PIAS1: variants seen among roughly 807,000 people sequenced by gnomAD.
PIAS1 encodes protein inhibitor of activated STAT 1, also known as E3 SUMO-protein ligase PIAS1.
Under a neutral mutation model 71.3 loss-of-function variants are expected in PIAS1, and 6 were observed. That is an observed-to-expected ratio of 0.08 (90% confidence interval 0.05 to 0.17). The LOEUF (loss-of-function observed/expected upper bound fraction) is 0.17. Ranked by LOEUF, PIAS1 falls within the 10% of genes least tolerant of loss-of-function variation. The pLI is 1.00. For missense variants in PIAS1, 555 were observed against 793.6 expected, an observed-to-expected ratio of 0.70 and a Z score of 3.61; for synonymous variants, 303 against 292.9, an observed-to-expected ratio of 1.03 and a Z score of -0.35.
At chr15:68,097,289 G>A (rs953922869) in intron 2 of PIAS1, among the ~76,000 whole-genome samples, 4 of 152,010 alleles carry the variant, frequency 2.6e-5, no homozygotes, top group Admixed American at 1.3e-4. Flanking sequence ...TATTGAATTT[G>A]AAGTGTAGAT....
intron 2 of PIAS1, among the ~76,000 whole-genome samples, chr15:68,104,068 C>T (rs1038672115): frequency 6.6e-6 from 1 of 152,128 alleles, no homozygotes. Flanking sequence ...TATGAGGATT[C>T]GCATTTCTCT....
Position 68,193,615 on chromosome 15 carries a change from A to G in PIAS1, c.*5780A>G, listed in dbSNP as rs1203080384. ...CTTGGTAGATTGCCCTTAAGTCATC[A>G]GCTCAATCCTTCCTCAACAGGCTCC... On this transcript the variant is annotated 3_prime_UTR_variant, in exon 14 of 14. Coordinates refer to ENST00000249636, the MANE Select transcript of PIAS1 (RefSeq NM_016166.3). 4.0e-5 allele frequency: 7 copies of G among 174,220 alleles called. No homozygotes were observed. The highest frequency in any genetic ancestry group is 8.6e-5 in the Non-Finnish European group (7 of 81,708). The allele number at this position is 174,220 out of a possible 1,614,324, so 10.8% of individuals were successfully genotyped here. A position where few individuals can be genotyped will look rare whatever the true frequency, so the allele number is the denominator to read the frequency against.
rs1251880639 is a variant in PIAS1, at chr15:68,086,552, C to T, written c.271C>T (p.Pro91Ser). Reference protein sequence around the residue: ...HSSPMPATLSPSTIPQLTYDG... With the variant: ...HSSPMPATLSSSTIPQLTYDG... The stretch of plus-strand genomic sequence containing the variant: ...AAGTCCTATGCCAGCAACTTTGTCT[C>T]CATCTACCATTCCACAACTCACTTA... The change falls in exon 2 of 14, where the codon CCA becomes TCA. Residue 91 changes from proline to serine, a missense_variant. Transcript: ENST00000249636. The surrounding 1 kb of genome is among the most constrained non-coding windows in gnomAD (Gnocchi z 7.2). 1.2e-6 allele frequency: 2 copies of T among 1,613,908 alleles called. No individual in the cohort carries two copies. Among genetic ancestry groups the T allele is most frequent in the South Asian group, 1.1e-5 (1 of 91,078 alleles).
At chr15:68,114,109 AATT>A (rs2092545696) in intron 2 of PIAS1, among the ~76,000 whole-genome samples, 7 of 151,990 alleles carry the variant, frequency 4.6e-5, no homozygotes, top group African/African-American at 9.7e-5. Flanking sequence ...ATAAAAAGCA[AATT>A]ATTATAAAAA....
chr15:68,145,570 A>G (rs2092802487), intron 4 of PIAS1, among the ~76,000 whole-genome samples: 1 of 152,200 alleles, frequency 6.6e-6, no homozygotes, highest in African/African-American at 2.4e-5. Context: ...GCTTAACCAA[A>G]TAATTGGCAG....
chr15:68,073,802 T>C (rs531651006), intron 1 of PIAS1, among the ~76,000 whole-genome samples: 2 of 152,228 alleles, frequency 1.3e-5, no homozygotes, highest in East Asian at 1.9e-4. Flanking sequence ...CGTGACATCA[T>C]TGGATTTATA....
chr15:68,071,240 G>T (rs1299458285), intron 1 of PIAS1, among the ~76,000 whole-genome samples: 1 of 101,100 alleles, frequency 9.9e-6, no homozygotes, highest in Non-Finnish European at 1.8e-5. Flanking sequence ...CCTCCATGGA[G>T]TGGCTAACCC....
At chr15:68,123,495 T>A (rs2092627480) in intron 2 of PIAS1, among the ~76,000 whole-genome samples, 1 of 152,210 alleles carries the variant, frequency 6.6e-6, no homozygotes, top group South Asian at 2.1e-4. Context: ...TCTTGGCATA[T>A]GTCATGTATC....
chr15:68,165,575 T>TA (rs1385700000), intron 8 of PIAS1, among the ~76,000 whole-genome samples: 1 of 152,118 alleles, frequency 6.6e-6, no homozygotes, highest in Non-Finnish European at 1.5e-5. Context: ...GTTATACATA[T>TA]AAAAAAACCT....
At position 68,086,738 on chromosome 15, in the gene PIAS1, C is replaced by T. The variant is rs746759971; in HGVS notation, c.457C>T (p.Pro153Ser). 6.2e-7 allele frequency: 1 copy of T among 1,601,558 alleles called. No individual in the cohort carries two copies. The highest frequency in any genetic ancestry group is 8.6e-7 in the Non-Finnish European group (1 of 1,168,786). ...FYDLLDELIKPTSLASDNSQR... is the reference protein window; with the variant it reads ...FYDLLDELIKSTSLASDNSQR... ...TGATTTACTGGATGAACTGATAAAA[C>T]CCACCAGTCTAGGTAAGATTATTGT... is the stretch of plus-strand genomic sequence containing the variant. Residue 153 changes from proline (P) to serine (S), a missense_variant, in exon 2 of 14, where the codon CCC becomes TCC. Pro to Ser is a moderately conservative substitution (Grantham distance 74). Coordinates refer to ENST00000249636, the MANE Select transcript of PIAS1 (RefSeq NM_016166.3). The surrounding 1 kb of genome is among the most constrained non-coding windows in gnomAD (Gnocchi z 7.2).
chr15:68,170,663 C>T (rs2092985633), intron 8 of PIAS1, among the ~76,000 whole-genome samples: 2 of 151,758 alleles, frequency 1.3e-5, no homozygotes, highest in Non-Finnish European at 1.5e-5. Flanking sequence ...TTTTTTGAGA[C>T]AGAGTCTCCC....
intron 7 of PIAS1, among the ~76,000 whole-genome samples, chr15:68,157,535 T>C (rs1005081073): frequency 1.1e-4 from 16 of 152,222 alleles, no homozygotes; most frequent in Admixed American, 2.0e-4. Context: ...GATGATCTGA[T>C]TGCTAAATTT....
chr15:68,126,754 G>T (rs539776549), intron 2 of PIAS1, among the ~76,000 whole-genome samples: 1 of 150,100 alleles, frequency 6.7e-6, no homozygotes, highest in Non-Finnish European at 1.5e-5. Flanking sequence ...TTGTACCATG[G>T]TTATAAATGG....
chr15:68,176,946 T>C (rs564531553), intron 11 of PIAS1, among the ~76,000 whole-genome samples: 17 of 152,108 alleles, frequency 1.1e-4, no homozygotes, highest in Middle Eastern at 3.2e-3. Flanking sequence ...ATGCATACAT[T>C]GCGCCCCCAT....
In PIAS1 at chr15:68,086,785, T is replaced by C; in HGVS notation, c.469+35T>C. 2 of 1,411,828 alleles carry C rather than the reference T, an allele frequency of 1.4e-6. No individual in the cohort carries two copies. The highest frequency in any genetic ancestry group is 2.0e-6 in the Non-Finnish European group (2 of 1,016,364). 87.5% of individuals were successfully genotyped at this position (1,411,828 alleles called of 1,614,324 possible). ...TTGTATGATAGTATTTGGTTACTTT[T>C]GCAGGATGAATTTTCGTTTTAGGCT... On this transcript the variant is annotated intron_variant, in intron 2 of 13. Transcript: ENST00000249636. The surrounding 1 kb of genome is among the most constrained non-coding windows in gnomAD (Gnocchi z 7.2).
At position 68,178,793 on chromosome 15, in the gene PIAS1, A is replaced by G. The variant is rs982259768; in HGVS notation, c.1481+2139A>G. On this transcript the variant is annotated intron_variant, in intron 11 of 13. Coordinates refer to ENST00000249636, the MANE Select transcript of PIAS1 (RefSeq NM_016166.3). This position sits in a 1 kb window ranked among gnomAD's most constrained non-coding sequence, Gnocchi z 4.2. ...ACTATGCAATAGTATTACTGACTAT[A>G]TATTTTTTCTTTAAAGAAAACATTT... Among the ~76,000 whole-genome samples, 1 of 150,978 alleles carries G rather than the reference A, an allele frequency of 6.6e-6. No homozygotes were observed. The highest frequency in any genetic ancestry group is 2.5e-5 in the African/African-American group (1 of 40,294).
intron 7 of PIAS1, among the ~76,000 whole-genome samples, chr15:68,160,943 A>G (rs1446166400): frequency 6.6e-6 from 1 of 152,212 alleles, no homozygotes; most frequent in Non-Finnish European, 1.5e-5. Flanking sequence ...GATCCTAGAC[A>G]GCACAATAAG....
intron 1 of PIAS1, among the ~76,000 whole-genome samples, chr15:68,085,350 T>G (rs1287288164): frequency 6.6e-6 from 1 of 152,168 alleles, no homozygotes; most frequent in Non-Finnish European, 1.5e-5. Context: ...AGGATTGGTA[T>G]AGATGGTCAT....
At chr15:68,183,890 C>A in intron 13 of PIAS1, 1 of 371,440 alleles carries the variant, frequency 2.7e-6, no homozygotes, top group Non-Finnish European at 4.9e-6. Flanking sequence ...TGCTGTCAGT[C>A]ATGTAAAAGT....
Sources: allele counts gnomAD v4.1 joint callset (sites outside exome capture counted in the v4.1 genomes callset), GRCh38; gene constraint gnomAD v4.1.1; non-coding constraint Gnocchi (gnomAD v3.1); transcripts MANE v1.5; gene names NCBI Gene and HGNC (gene_info 2026-07-23, HGNC 2026-07-21).